OBI1: variants seen among roughly 807,000 people sequenced by gnomAD.
OBI1 encodes ring finger protein 219.
Under a neutral mutation model 62.4 loss-of-function variants are expected in OBI1, and 59 were observed. That is an observed-to-expected ratio of 0.95 (90% CI 0.77 to 1.17). OBI1 has a LOEUF of 1.17. Ranked by LOEUF, OBI1 falls within the 50% of genes most tolerant of loss-of-function variation. The pLI is 0.00. For missense variants in OBI1, 875 were observed against 830.9 expected, an observed-to-expected ratio of 1.05 and a Z score of -0.65; for synonymous variants, 302 against 292.8, an observed-to-expected ratio of 1.03 and a Z score of -0.32.
chr13:78,617,521 C>T (rs776049008), intron 5 of OBI1, among the ~76,000 whole-genome samples: 3 of 152,186 alleles, frequency 2.0e-5, no homozygotes, highest in Admixed American at 2.0e-4. Context: ...TATTTACATT[C>T]AATCATTTTC....
Position 78,640,913 on chromosome 13 carries a change from T to C in OBI1, c.300+1209A>G, listed in dbSNP as rs530158863. On this transcript the variant is annotated intron_variant, in intron 3 of 5. Transcript: ENST00000282003. ...TTCTACTTTTCATTCCAGAATAATA[T>C]CTGTAGTTAATTTTGAATTTTCAAC... 2.6e-5 allele frequency among the ~76,000 whole-genome samples: 4 copies of C among 152,334 alleles called. No homozygotes were observed. The East Asian group carries it at 7.7e-4, about 29-fold the overall frequency.
intron 1 of OBI1, among the ~76,000 whole-genome samples, chr13:78,656,393 A>T (rs111789959): frequency 7.9e-5 from 12 of 151,850 alleles, no homozygotes; most frequent in African/African-American, 2.4e-4. Context: ...GACCAGCCTG[A>T]CCAACATGGA....
intron 2 of OBI1, among the ~76,000 whole-genome samples, chr13:78,643,804 T>C (rs1382936928): frequency 6.6e-6 from 1 of 152,084 alleles, no homozygotes; most frequent in East Asian, 1.9e-4. Flanking sequence ...AAAAAAATCT[T>C]ATTTAAGTCC....
intron 1 of OBI1, among the ~76,000 whole-genome samples, chr13:78,645,365 T>C (rs1350050084): frequency 6.6e-6 from 1 of 152,202 alleles, no homozygotes; most frequent in African/African-American, 2.4e-5. Context: ...TTTTTGAAAA[T>C]ATCATTTAGC....
intron 5 of OBI1, among the ~76,000 whole-genome samples, chr13:78,622,430 ATT>A (rs1875540822): frequency 6.6e-6 from 1 of 152,198 alleles, no homozygotes; most frequent in Non-Finnish European, 1.5e-5. Flanking sequence ...AACCAAATAA[ATT>A]TATGTGTCTC....
intron 1 of OBI1, among the ~76,000 whole-genome samples, chr13:78,646,041 A>G (rs1876372875): frequency 6.6e-6 from 1 of 152,162 alleles, no homozygotes; most frequent in African/African-American, 2.4e-5. Flanking sequence ...CAACTTGGTG[A>G]GGTAAACTGG....
chr13:78,647,640 G>A (rs963674557), intron 1 of OBI1, among the ~76,000 whole-genome samples: 25 of 152,228 alleles, frequency 1.6e-4, no homozygotes, highest in Non-Finnish European at 3.2e-4. Context: ...TCAGAGACCA[G>A]TGCCGGTGCA....
At chr13:78,617,268 A>G in intron 5 of OBI1, 146 bp from the exon 6 acceptor site, 10 of 532,854 alleles carry the variant, frequency 1.9e-5, no homozygotes, top group Middle Eastern at 4.9e-4. Context: ...TGCCAGATGT[A>G]TATTTTCAAA....
At chr13:78,636,474 T>C (rs533637634) in intron 4 of OBI1, among the ~76,000 whole-genome samples, 24 of 152,278 alleles carry the variant, frequency 1.6e-4, no homozygotes, top group Non-Finnish European at 3.4e-4. Flanking sequence ...ATTTGGCTAT[T>C]ACTTAGATGA....
At chr13:78,639,187 G>C in intron 3 of OBI1, 116 bp from the exon 4 acceptor site, 2 of 1,019,954 alleles carry the variant, frequency 2.0e-6, no homozygotes, top group Non-Finnish European at 2.8e-6. Context: ...TAGATACATA[G>C]ATTCTTTACA....
intron 5 of OBI1, among the ~76,000 whole-genome samples, chr13:78,622,648 T>G (rs1268102345): frequency 6.6e-6 from 1 of 152,196 alleles, no homozygotes; most frequent in East Asian, 1.9e-4. Context: ...GCCCTTTCCT[T>G]TCTTAATTAT....
chr13:78,655,923 C>T (rs558844423), intron 1 of OBI1, among the ~76,000 whole-genome samples: 1 of 152,174 alleles, frequency 6.6e-6, no homozygotes, highest in Non-Finnish European at 1.5e-5. Flanking sequence ...GCAGCACAAT[C>T]ATACTGAATT....
Position 78,645,115 on chromosome 13 carries a change from A to G in OBI1, c.73-118T>C, listed in dbSNP as rs1876343088. 5 of 961,956 alleles carry G rather than the reference A, an allele frequency of 5.2e-6. No homozygotes were observed. In the South Asian group the frequency reaches 8.5e-5, roughly 16 times the overall value. 59.6% of individuals were successfully genotyped at this position (961,956 alleles called of 1,614,324 possible). ...TAGCAGAGTAGGAGTTTAAGAAGGG[A>G]TATCTAGCGCTTTTAAAAACACTGC... is the stretch of plus-strand genomic sequence containing the variant. On this transcript the variant is annotated intron_variant, in intron 1 of 5. Transcript: ENST00000282003.
intron 1 of OBI1, among the ~76,000 whole-genome samples, chr13:78,650,654 A>G (rs1371372532): frequency 6.6e-6 from 1 of 152,102 alleles, no homozygotes; most frequent in Non-Finnish European, 1.5e-5. Flanking sequence ...TCTGCCTCTG[A>G]AAACTGTGGC....
chr13:78,616,994 T>G lies in OBI1; in HGVS notation c.767A>C (p.Gln256Pro), dbSNP rs779462298. ...TTTCTCTTCACTTGAATTTTTTAGC[T>G]GTGCAACTTGAGATTCTAGTTCCTC... is the stretch of plus-strand genomic sequence containing the variant. ...YIEELESQVAQLKNSSEEKEA... is the reference protein window; with the variant it reads ...YIEELESQVAPLKNSSEEKEA... The change falls in exon 6 of 6, where the codon CAG becomes CCG. Residue 256 changes from glutamine (Q) to proline (P), a missense_variant. Transcript: ENST00000282003. 9.3e-6 allele frequency: 15 copies of G among 1,614,236 alleles called. No homozygotes were observed. Among genetic ancestry groups the G allele is most frequent in the South Asian group, 2.2e-5 (2 of 91,086 alleles).
rs79949866 is a variant in OBI1, at chr13:78,650,520, T to C, written c.73-5523A>G. 8.8e-4 allele frequency among the ~76,000 whole-genome samples: 134 copies of C among 152,310 alleles called. 3 individuals are homozygous for C. In the East Asian group the frequency reaches 0.021, roughly 24 times the overall value. On this transcript the variant is annotated intron_variant, in intron 1 of 5. Transcript: ENST00000282003. The stretch of plus-strand genomic sequence containing the variant: ...CTGACAACTCCCAAGTCTCCCTCTG[T>C]AACTGGAGTCAGTAAGTGGCAGAGC...
chr13:78,638,700 CAG>C, intron 4 of OBI1, 121 bp downstream of exon 4: 1 of 876,516 alleles, frequency 1.1e-6, no homozygotes, highest in South Asian at 1.8e-5. Flanking sequence ...AATGCTCATC[CAG>C]AGATTCTGTC....
chr13:78,656,792 A>ATTTTTTTTTTTTTTTTTT (rs869148028), intron 1 of OBI1, among the ~76,000 whole-genome samples: 2 of 67,196 alleles, frequency 3.0e-5, no homozygotes, highest in Non-Finnish European at 5.5e-5. Flanking sequence ...TTTATTTTTA[A>ATTTTTTTTTTTTTTTTTT]TTTTTTTTTT....
At chr13:78,638,455 T>C (rs1041050939) in intron 4 of OBI1, among the ~76,000 whole-genome samples, 1 of 152,178 alleles carries the variant, frequency 6.6e-6, no homozygotes, top group Non-Finnish European at 1.5e-5. Context: ...AATGGTTATG[T>C]GTTTGTTTTT....
Sources: allele counts gnomAD v4.1 joint callset (sites outside exome capture counted in the v4.1 genomes callset), GRCh38; gene constraint gnomAD v4.1.1; transcripts MANE v1.5; gene names NCBI Gene and HGNC (gene_info 2026-07-23, HGNC 2026-07-21).